The following KRT84 variants were observed in gnomAD, a reference collection of about 807,000 sequenced individuals.
KRT84 encodes the protein keratin, type II cuticular Hb4.
Under a neutral mutation model 49.0 loss-of-function variants are expected in KRT84, and 38 were observed. That is an observed-to-expected ratio of 0.78 (90% CI 0.60 to 1.02). The LOEUF is 1.02. KRT84 is among the 50% of genes least tolerant of loss of function. KRT84 has a pLI of 0.00. For synonymous variants in KRT84, 334 were observed against 312.8 expected, an observed-to-expected ratio of 1.07 and a Z score of -0.72; for missense variants, 860 against 788.6, an observed-to-expected ratio of 1.09 and a Z score of -1.08.
upstream of KRT84, among the ~76,000 whole-genome samples, chr12:52,386,375 G>T (rs1156608765): frequency 6.8e-6 from 1 of 146,918 alleles, no homozygotes; most frequent in African/African-American, 2.6e-5. Context: ...CATGGTAGTA[G>T]GGGAAGATTT....
chr12:52,381,089 G>A lies in KRT84; in HGVS notation c.1194C>T (p.Ala398=). The A allele has an allele frequency of 1.2e-6, 2 of 1,614,016 alleles. No individual in the cohort carries two copies. Among genetic ancestry groups the A allele is most frequent in the Non-Finnish European group, 1.7e-6 (2 of 1,179,976 alleles). ...CCTTTCCTTTGCCCACCTGAGCCTT[G>A]GCGTGCTCAATCTCTGCCTTAAGCC... ...IQRLKAEIEH[A]KAQRAKLEAA... The change falls in exon 6 of 9, where the codon GCC becomes GCT. Residue 398 remains alanine (A), a synonymous_variant. Coordinates refer to ENST00000257951, the MANE Select transcript of KRT84 (RefSeq NM_033045.4).
At position 52,381,399 on chromosome 12, in the gene KRT84, G is replaced by T; in HGVS notation, c.1039C>A (p.Arg347Ser). 1.2e-6 allele frequency: 2 copies of T among 1,614,166 alleles called. No homozygotes were observed. The highest frequency in any genetic ancestry group is 8.5e-7 in the Non-Finnish European group (1 of 1,180,040). The change falls in exon 5 of 9, where the codon CGC becomes AGC. Residue 347 changes from arginine to serine, a missense_variant. Coordinates refer to ENST00000257951, the MANE Select transcript of KRT84 (RefSeq NM_033045.4). ...CAGGCCTCAGCATCAGCCCGGCTGCGCCTGGCCACCTCCTCATACTGGGCC... is the reference window on the plus strand; with the variant it reads ...CAGGCCTCAGCATCAGCCCGGCTGCTCCTGGCCACCTCCTCATACTGGGCC... ...VKAQYEEVAR[R>S]SRADAEAWYQ...
chr12:52,378,330 C>A lies in KRT84; in HGVS notation c.1507G>T (p.Ala503Ser). 6.6e-7 allele frequency: 1 copy of A among 1,525,422 alleles called. No homozygotes were observed. Among genetic ancestry groups the A allele is most frequent in the Non-Finnish European group, 8.8e-7 (1 of 1,139,900 alleles). 94.5% of individuals were successfully genotyped at this position (1,525,422 alleles called of 1,614,324 possible). The change falls in exon 9 of 9, where the codon GCC (alanine) becomes TCC (serine). Residue 503 changes from alanine (A) to serine (S), a missense_variant. Transcript: ENST00000257951. ...GLVCGPEPLV[A>S]GSTLSRGGVT... Reference sequence around the variant, plus strand: ...CCGCCGCGGGAGAGGGTGGAGCCGGCAACCAAAGGCTCAGGCCCGCACACC... The same window carrying A: ...CCGCCGCGGGAGAGGGTGGAGCCGGAAACCAAAGGCTCAGGCCCGCACACC...
At chr12:52,384,963 C>A (rs1039465991) in intron 1 of KRT84, 77 bp downstream of exon 1, 3 of 1,451,828 alleles carry the variant, frequency 2.1e-6, no homozygotes, top group Middle Eastern at 2.5e-4. Context: ...CGGGCCAGTT[C>A]TTTTTAAGGG....
chr12:52,385,657 C>T, upstream of KRT84: 3 of 1,411,764 alleles, frequency 2.1e-6, no homozygotes, highest in Non-Finnish European at 2.9e-6. Flanking sequence ...CCCTCTGAGG[C>T]CAGTGGAACC....
In KRT84 at chr12:52,381,033, C is replaced by T. The variant is rs775194807; in HGVS notation, c.1203+47G>A. 3.3e-5 allele frequency: 53 copies of T among 1,601,670 alleles called. No individual in the cohort carries two copies. The Middle Eastern group carries it at 8.3e-4, about 25-fold the overall frequency. Reference sequence around the variant, plus strand: ...ACTTGGGGGTTCCCAAAGCCTGAGGCCCTGGTTCTCCCTCATCTGAGGCTT... The same window carrying T: ...ACTTGGGGGTTCCCAAAGCCTGAGGTCCTGGTTCTCCCTCATCTGAGGCTT... On this transcript the variant is annotated intron_variant, in intron 6 of 8. Coordinates refer to ENST00000257951, the MANE Select transcript of KRT84 (RefSeq NM_033045.4).
In KRT84 at chr12:52,381,351, C is replaced by T. The variant is rs1939480443; in HGVS notation, c.1077+10G>A. The stretch of plus-strand genomic sequence containing the variant: ...CTGCCTACATCCCTTCCCCAGCCTC[C>T]ACTGCCCACCTTGGTCTGGTACCAG... On this transcript the variant is annotated intron_variant, in intron 5 of 8. Coordinates refer to ENST00000257951, the MANE Select transcript of KRT84 (RefSeq NM_033045.4). The T allele has an allele frequency of 6.2e-7, 1 of 1,614,160 alleles. No individual in the cohort carries two copies. The highest frequency in any genetic ancestry group is 2.2e-5 in the East Asian group (1 of 44,882).
rs1297671120 is a variant in KRT84, at chr12:52,381,013, G to T, written c.1203+67C>A. ...GGTCTCCCTCACCTCATTAGACTTG[G>T]GGGTTCCCAAAGCCTGAGGCCCTGG... On this transcript the variant is annotated intron_variant, in intron 6 of 8. Coordinates refer to ENST00000257951, the MANE Select transcript of KRT84 (RefSeq NM_033045.4). 5 of 1,582,606 alleles carry T rather than the reference G, an allele frequency of 3.2e-6. 1 individual carries two copies. The highest frequency in any genetic ancestry group is 2.6e-6 in the Non-Finnish European group (3 of 1,162,050).
At position 52,378,079 on chromosome 12, in the gene KRT84, G is replaced by A. The variant is rs751631485; in HGVS notation, c.1758C>T (p.Ser586=). ...AGGTGGTGGTGGACACAAAGCGGAC[G>A]CTGGAGCTGCGGCCGCCGCTGCAGC... ...FSSCSGGRSS[S]VRFVSTTTSC... The change falls in exon 9 of 9, where the codon AGC becomes AGT. Residue 586 remains serine, a synonymous_variant. Transcript: ENST00000257951. 45 of 1,499,014 alleles carry A rather than the reference G, an allele frequency of 3.0e-5. No individual in the cohort carries two copies. In the South Asian group the frequency reaches 5.4e-4, roughly 18 times the overall value. 92.9% of individuals were successfully genotyped at this position (1,499,014 alleles called of 1,614,324 possible).
At position 52,383,618 on chromosome 12, in the gene KRT84, G is replaced by T. The variant is rs1197613782; in HGVS notation, c.727C>A (p.Gln243Lys). ...ARLQAERNHL[Q>K]DVLEGFKKKY... ...TTCTTGAAGCCCTCTAGGACATCCTGCAGGTGGTTCCTCTCAGCCTGGAGC... is the reference window on the plus strand; with the variant it reads ...TTCTTGAAGCCCTCTAGGACATCCTTCAGGTGGTTCCTCTCAGCCTGGAGC... Residue 243 changes from glutamine (Q) to lysine (K), a missense_variant, in exon 2 of 9, where the codon CAG becomes AAG. Transcript: ENST00000257951. 2 of 1,613,538 alleles carry T rather than the reference G, an allele frequency of 1.2e-6. No individual in the cohort carries two copies. The highest frequency in any genetic ancestry group is 2.2e-5 in the South Asian group (2 of 91,028).
Position 52,382,418 on chromosome 12 carries a change from A to G in KRT84, c.912+19T>C, listed in dbSNP as rs372610318. On this transcript the variant is annotated intron_variant, in intron 4 of 8. Transcript: ENST00000257951. ...AAGCATTGATCTCCTTGGGTGCCCT[A>G]GAGAAGATGAACCCTCACCTCCATG... 8.3e-6 allele frequency: 13 copies of G among 1,559,596 alleles called. No individual in the cohort carries two copies. The highest frequency in any genetic ancestry group is 1.2e-5 in the Non-Finnish European group (13 of 1,130,248).
At position 52,385,558 on chromosome 12, in the gene KRT84, A is replaced by T; in HGVS notation, c.28T>A (p.Ser10Thr). The T allele has an allele frequency of 6.2e-7, 1 of 1,613,886 alleles. No individual in the cohort carries two copies. Among genetic ancestry groups the T allele is most frequent in the Non-Finnish European group, 8.5e-7 (1 of 1,179,892 alleles). MSCRSYRVS[S>T]GHRVGNFSSC... ...CTGAAGTTGCCCACCCGGTGACCAG[A>T]GCTGACTCGGTAGGAGCGGCAAGAC... is the stretch of plus-strand genomic sequence containing the variant. The change falls in exon 1 of 9, where the codon TCT (serine) becomes ACT (threonine). Residue 10 changes from serine to threonine, a missense_variant. Coordinates refer to ENST00000257951, the MANE Select transcript of KRT84 (RefSeq NM_033045.4).
rs1329813886 is a variant in KRT84 at position 52,385,430 on chromosome 12, A to G, written c.156T>C (p.Ser52=). 6.2e-7 allele frequency: 1 copy of G among 1,614,128 alleles called. No homozygotes were observed. Among genetic ancestry groups the G allele is most frequent in the Non-Finnish European group, 8.5e-7 (1 of 1,180,012 alleles). The change falls in exon 1 of 9, where the codon AGT becomes AGC. Residue 52 remains serine, a synonymous_variant. Transcript: ENST00000257951. ...PGFRGLGSFG[S]RSVITFGSYS... is the part of the protein sequence containing the mutation. ...ACGATCCAAAGGTGATGACACTCCGACTACCAAAGCTGCCAAGGCCCCGGA... is the reference window on the plus strand; with the variant it reads ...ACGATCCAAAGGTGATGACACTCCGGCTACCAAAGCTGCCAAGGCCCCGGA...
At chr12:52,385,707 C>A, upstream of KRT84, 1 of 1,005,126 alleles carries the variant, frequency 9.9e-7, no homozygotes, top group Non-Finnish European at 1.4e-6. Flanking sequence ...TGAGGCTTGG[C>A]CCCATAAAAA....
At position 52,385,640 on chromosome 12, in the gene KRT84, T is replaced by C. The variant is rs1592149333; in HGVS notation, c.-55A>G. ...AAGTGTAGAATGGGTGAGCTGGAGC[T>C]GGGAGTCCCTCTGAGGCCAGTGGAA... is the stretch of plus-strand genomic sequence containing the variant. On this transcript the variant is annotated 5_prime_UTR_variant, in exon 1 of 9. Transcript: ENST00000257951. 6.5e-7 allele frequency: 1 copy of C among 1,547,662 alleles called. No individual in the cohort carries two copies. The highest frequency in any genetic ancestry group is 8.8e-7 in the Non-Finnish European group (1 of 1,135,762).
intron 8 of KRT84, among the ~76,000 whole-genome samples, chr12:52,379,177 C>T (rs956007824): frequency 6.6e-6 from 1 of 152,328 alleles, no homozygotes; most frequent in East Asian, 1.9e-4. Context: ...TTCCACTACA[C>T]GTCAGTGTTC....
chr12:52,382,328 A>C, intron 4 of KRT84, 109 bp downstream of exon 4: 1 of 723,880 alleles, frequency 1.4e-6, no homozygotes, highest in South Asian at 1.7e-5. Context: ...GTGAGAGGAA[A>C]GATATATGAT....
At chr12:52,378,779 C>T (rs557494282) in intron 8 of KRT84, among the ~76,000 whole-genome samples, 7 of 152,286 alleles carry the variant, frequency 4.6e-5, no homozygotes, top group Admixed American at 4.6e-4. Context: ...GTATTATGCC[C>T]CTTGGTGGTC....
At position 52,382,642 on chromosome 12, in the gene KRT84, G is replaced by T. The variant is rs1303319601; in HGVS notation, c.817-110C>A. Reference sequence around the variant, plus strand: ...GCAGCCACTTCCCACAGATGGTAAGGTCGCTGGGTAGAAGTGAAGCTCAGC... The same window carrying T: ...GCAGCCACTTCCCACAGATGGTAAGTTCGCTGGGTAGAAGTGAAGCTCAGC... On this transcript the variant is annotated intron_variant, in intron 3 of 8. Coordinates refer to ENST00000257951, the MANE Select transcript of KRT84 (RefSeq NM_033045.4). The T allele has an allele frequency of 9.5e-6, 8 of 843,060 alleles. No individual in the cohort carries two copies. In the Admixed American group the frequency reaches 1.0e-4, roughly 11 times the overall value. The allele number at this position is 843,060 out of a possible 1,614,324, so 52.2% of individuals were successfully genotyped here. A position where few individuals can be genotyped will look rare whatever the true frequency, so the allele number is the denominator to read the frequency against.
Sources: gnomAD v4.1 joint callset for allele counts (sites outside exome capture counted in the v4.1 genomes callset) on GRCh38, gnomAD v4.1.1 for gene constraint, MANE v1.5 for transcripts, NCBI Gene and HGNC (gene_info 2026-07-23, HGNC 2026-07-21) for gene names.